The following VPS13B variants were observed in gnomAD, a reference collection of about 807,000 sequenced individuals.
VPS13B encodes vacuolar protein sorting 13 homolog B.
A neutral mutation model predicts 426.4 loss-of-function variants in VPS13B; 285 were observed. The ratio of observed to expected loss-of-function variants is 0.67; its 90% CI spans 0.61 to 0.74. VPS13B has a LOEUF of 0.74. Among genes scored for constraint, VPS13B ranks in the 30% least tolerant of loss-of-function variants. The pLI, the probability that VPS13B is intolerant of heterozygous loss-of-function variation, is 0.00. For synonymous variants in VPS13B, 1,676 were observed against 1,676.4 expected, an observed-to-expected ratio of 1.00 and a Z score of 0.01; for missense variants, 4,537 against 4,782.6, an observed-to-expected ratio of 0.95 and a Z score of 1.51.
At chr8:99,364,578 A>G (rs895852408) in intron 19 of VPS13B, among the ~76,000 whole-genome samples, 5 of 152,024 alleles carry the variant, frequency 3.3e-5, no homozygotes, top group African/African-American at 1.2e-4. Context: ...GACTACAGAC[A>G]TGTGCTACCA....
At chr8:99,498,561 C>A (rs999136081) in intron 25 of VPS13B, among the ~76,000 whole-genome samples, 4 of 151,846 alleles carry the variant, frequency 2.6e-5, no homozygotes, top group African/African-American at 9.6e-5. Context: ...AGAAAATAAG[C>A]TCATGAAAAT....
At chr8:99,116,409 A>C (rs988807587) in intron 7 of VPS13B, among the ~76,000 whole-genome samples, 2 of 152,036 alleles carry the variant, frequency 1.3e-5, no homozygotes, top group African/African-American at 4.8e-5. Flanking sequence ...TTCTATATTT[A>C]TAATAGATAT....
At chr8:99,150,140 G>C (rs887610728) in intron 14 of VPS13B, among the ~76,000 whole-genome samples, 1 of 152,188 alleles carries the variant, frequency 6.6e-6, no homozygotes, top group Admixed American at 6.5e-5. Context: ...TTACGATTAA[G>C]AGATCATGTA....
chr8:99,082,158 C>T (rs180994520), intron 3 of VPS13B, among the ~76,000 whole-genome samples: 43 of 152,338 alleles, frequency 2.8e-4, no homozygotes, highest in African/African-American at 9.6e-4. Context: ...GCCATTCTAA[C>T]TGGTATGAGA....
rs1056819073 is a variant in VPS13B, at chr8:99,654,340, G to C, written c.5909-7014G>C. Among the ~76,000 whole-genome samples the C allele has an allele frequency of 2.6e-5, 4 of 152,030 alleles. No individual in the cohort carries two copies. The East Asian group carries it at 5.8e-4, about 22-fold the overall frequency. ...TGGGATTACAGGCGTGAGCCACCAC[G>C]CCCGGCTGACACTGAATTATTATGA... On this transcript the variant is annotated intron_variant, in intron 34 of 61. Transcript: ENST00000357162.
chr8:99,031,427 T>A (rs564907800), intron 2 of VPS13B, among the ~76,000 whole-genome samples: 1 of 152,336 alleles, frequency 6.6e-6, no homozygotes, highest in South Asian at 2.1e-4. Flanking sequence ...ATTAGAGAAT[T>A]ACTGTATTCC....
intron 57 of VPS13B, among the ~76,000 whole-genome samples, chr8:99,861,299 T>G (rs1051131282): frequency 1.3e-5 from 2 of 152,176 alleles, no homozygotes; most frequent in Non-Finnish European, 2.9e-5. Flanking sequence ...CTTTTTCATT[T>G]TATTGTATCT....
chr8:99,051,951 C>A (rs201881028), intron 3 of VPS13B, among the ~76,000 whole-genome samples: 22 of 152,202 alleles, frequency 1.4e-4, no homozygotes, highest in African/African-American at 4.3e-4. Context: ...GGGGTTTTCT[C>A]GATATACAAT....
At chr8:99,566,547 TCTC>T in intron 31 of VPS13B, among the ~76,000 whole-genome samples, 1 of 152,136 alleles carries the variant, frequency 6.6e-6, no homozygotes, top group South Asian at 2.1e-4. Context: ...TTCAAGCAAT[TCTC>T]CTGCCTCTCA....
chr8:99,098,516 C>T (rs545416484), intron 4 of VPS13B, among the ~76,000 whole-genome samples: 1 of 152,154 alleles, frequency 6.6e-6, no homozygotes, highest in Non-Finnish European at 1.5e-5. Context: ...TTTAACCAGT[C>T]CTTTTTTTGG....
chr8:99,465,742 T>C (rs1234120418), intron 23 of VPS13B, among the ~76,000 whole-genome samples: 3 of 152,130 alleles, frequency 2.0e-5, no homozygotes, highest in Non-Finnish European at 2.9e-5. Context: ...AATTTTAGAA[T>C]TAGTTACAGA....
At chr8:99,755,090 A>G (rs1810573081) in intron 39 of VPS13B, among the ~76,000 whole-genome samples, 1 of 152,168 alleles carries the variant, frequency 6.6e-6, no homozygotes, top group Non-Finnish European at 1.5e-5. Flanking sequence ...AACTACAAGT[A>G]CATGCTCATG....
intron 16 of VPS13B, among the ~76,000 whole-genome samples, chr8:99,191,376 CTTTT>C (rs35215814): frequency 3.7e-4 from 26 of 70,946 alleles, no homozygotes; most frequent in Non-Finnish European, 5.5e-4. Flanking sequence ...CTCTCTCTCT[CTTTT>C]TTTTTTTTTT....
At chr8:99,195,031 G>C (rs1813832149) in intron 17 of VPS13B, among the ~76,000 whole-genome samples, 1 of 151,986 alleles carries the variant, frequency 6.6e-6, no homozygotes, top group Non-Finnish European at 1.5e-5. Context: ...ATTTTTAGTA[G>C]AGACGGAGTT....
intron 39 of VPS13B, among the ~76,000 whole-genome samples, chr8:99,755,156 G>C (rs561849516): frequency 6.6e-6 from 1 of 152,232 alleles, no homozygotes; most frequent in East Asian, 1.9e-4. Flanking sequence ...GACCTGAGAA[G>C]GTCCTGTACT....
rs1425014198 is a variant in VPS13B, at chr8:99,093,468, C to T, written c.292-2844C>T. On this transcript the variant is annotated intron_variant, in intron 3 of 61. Transcript: ENST00000357162. ...TATGTATACATGTGCCATGCTGGTG[C>T]GCTGCACCCACTAACTTGTCATCTA... Among the ~76,000 whole-genome samples, 7 of 151,554 alleles carry T rather than the reference C, an allele frequency of 4.6e-5. No individual in the cohort carries two copies. The East Asian group carries it at 5.8e-4, about 13-fold the overall frequency.
At chr8:99,055,044 G>T (rs72668499) in intron 3 of VPS13B, among the ~76,000 whole-genome samples, 8,766 of 141,616 alleles carry the variant, frequency 0.062, 406 homozygotes, top group Non-Finnish European at 0.098. Context: ...TTTTTTTTTT[G>T]TTTTTTTTTT....
intron 30 of VPS13B, chr8:99,536,639 A>C: frequency 1.9e-6 from 1 of 534,424 alleles, no homozygotes; most frequent in South Asian, 1.4e-5. Context: ...ATTGACTGTC[A>C]TCCAAGTATG....
At chr8:99,473,071 A>G (rs1203719210) in intron 24 of VPS13B, among the ~76,000 whole-genome samples, 2 of 152,110 alleles carry the variant, frequency 1.3e-5, no homozygotes, top group Non-Finnish European at 2.9e-5. Flanking sequence ...AATTCTATCA[A>G]ATATTCTGGA....
Sources: allele counts gnomAD v4.1 joint callset (sites outside exome capture counted in the v4.1 genomes callset), GRCh38; gene constraint gnomAD v4.1.1; transcripts MANE v1.5; gene names NCBI Gene and HGNC (gene_info 2026-07-23, HGNC 2026-07-21).